Variants in ACSM4 observed in about 807,000 individuals in gnomAD.
ACSM4 encodes acyl-CoA synthetase medium chain family member 4, also known as acyl-coenzyme A synthetase ACSM4, mitochondrial.
In ACSM4, 66 loss-of-function variants were observed where a neutral mutation model predicts 73.0. The observed-to-expected ratio is 0.90, with a 90% CI of 0.74 to 1.11. ACSM4 has a LOEUF of 1.11. ACSM4 is among the 50% of genes least tolerant of loss of function. ACSM4 has a pLI of 0.00. For missense variants in ACSM4, 645 were observed against 714.4 expected, an observed-to-expected ratio of 0.90 and a Z score of 1.11; for synonymous variants, 222 against 254.0, an observed-to-expected ratio of 0.87 and a Z score of 1.20.
At chr12:7,315,236 A>G (rs1162956054) in intron 3 of ACSM4, among the ~76,000 whole-genome samples, 5 of 152,022 alleles carry the variant, frequency 3.3e-5, no homozygotes, top group Admixed American at 2.0e-4. Context: ...TACCATTTCA[A>G]TGACAATGTC....
chr12:7,324,880 G>C (rs1226659232), intron 11 of ACSM4, among the ~76,000 whole-genome samples: 1 of 151,082 alleles, frequency 6.6e-6, no homozygotes, highest in Non-Finnish European at 1.5e-5. Flanking sequence ...AAGTACTTAA[G>C]TACAGCCACA....
intron 6 of ACSM4, 110 bp from the exon 7 acceptor site, chr12:7,322,308 A>G (rs1946469508): frequency 2.0e-6 from 3 of 1,485,720 alleles, no homozygotes; most frequent in African/African-American, 2.8e-5. Flanking sequence ...GAACTTTGCT[A>G]AGACTTGCCT....
rs1946478556 is a variant in ACSM4 at position 7,323,319 on chromosome 12, G to A, written c.1206+5G>A. On this transcript the variant is annotated splice_donor_5th_base_variant and intron_variant, in intron 8 of 12. Coordinates refer to ENST00000399422, the MANE Select transcript of ACSM4 (RefSeq NM_001080454.2). ...ATGCTGCCCTATGATGTCCAGGTAG[G>A]TTGAGAAAATATCTGACTGGTTCAG... 1.2e-5 allele frequency: 20 copies of A among 1,609,516 alleles called. No homozygotes were observed. Among genetic ancestry groups the A allele is most frequent in the Non-Finnish European group, 1.7e-5 (20 of 1,177,788 alleles).
At chr12:7,322,396 C>G in intron 6 of ACSM4, 22 bp from the exon 7 acceptor site, 2 of 1,612,980 alleles carry the variant, frequency 1.2e-6, no homozygotes, top group South Asian at 1.1e-5. Context: ...TTGAAAAGAC[C>G]CATGCAACTC....
At chr12:7,309,165 A>C (rs183125998) in intron 2 of ACSM4, among the ~76,000 whole-genome samples, 13 of 152,350 alleles carry the variant, frequency 8.5e-5, no homozygotes, top group Admixed American at 4.6e-4. Context: ...CTTTAAAATC[A>C]GACATCTCCA....
At position 7,310,650 on chromosome 12, in the gene ACSM4, T is replaced by C. The variant is rs1436222747; in HGVS notation, c.524T>C (p.Val175Ala). Reference protein sequence around the residue: ...IVASEEVAPAVESIVLECPDL... With the variant: ...IVASEEVAPAAESIVLECPDL... ...GCCAGTGAGGAGGTGGCCCCAGCGG[T>C]GGAGTCCATTGTATTGGAGTGTCCT... is the stretch of plus-strand genomic sequence containing the variant. The change falls in exon 3 of 13, where the codon GTG becomes GCG. Residue 175 changes from valine (V) to alanine (A), a missense_variant. Coordinates refer to ENST00000399422, the MANE Select transcript of ACSM4 (RefSeq NM_001080454.2). 1.9e-6 allele frequency: 3 copies of C among 1,613,314 alleles called. No homozygotes were observed. The East Asian group carries it at 6.7e-5, about 36-fold the overall frequency.
intron 2 of ACSM4, among the ~76,000 whole-genome samples, chr12:7,309,127 T>C (rs1423959565): frequency 6.6e-6 from 1 of 152,224 alleles, no homozygotes; most frequent in Admixed American, 6.5e-5. Context: ...AATTCGGCCA[T>C]GTATGTTCTT....
chr12:7,320,542 T>C (rs775947146), intron 5 of ACSM4, among the ~76,000 whole-genome samples, 183 bp from the exon 6 acceptor site: 7 of 152,340 alleles, frequency 4.6e-5, no homozygotes, highest in African/African-American at 1.7e-4. Context: ...TTTTCAGTAA[T>C]TGGAAATTCC....
At chr12:7,305,408 T>G (rs1946356568) in intron 1 of ACSM4, among the ~76,000 whole-genome samples, 1 of 152,152 alleles carries the variant, frequency 6.6e-6, no homozygotes, top group Admixed American at 6.5e-5. Flanking sequence ...TGTAGCGAAG[T>G]ATACAAAATA....
intron 1 of ACSM4, among the ~76,000 whole-genome samples, chr12:7,305,539 C>A (rs964730221): frequency 6.6e-6 from 1 of 152,160 alleles, no homozygotes; most frequent in Non-Finnish European, 1.5e-5. Flanking sequence ...GGGAGGTTTG[C>A]AGATGAGGAA....
chr12:7,324,094 C>G (rs1265153562), intron 9 of ACSM4, among the ~76,000 whole-genome samples, 179 bp from the exon 10 acceptor site: 2 of 151,774 alleles, frequency 1.3e-5, no homozygotes, highest in Non-Finnish European at 2.9e-5. Context: ...GAGAGGATCA[C>G]TAGAGCCCAG....
intron 3 of ACSM4, among the ~76,000 whole-genome samples, chr12:7,316,751 A>G (rs924085373): frequency 6.6e-6 from 1 of 152,266 alleles, no homozygotes; most frequent in Admixed American, 6.5e-5. Context: ...AAAACTCCTG[A>G]AACATTAATA....
At chr12:7,327,218 T>C in intron 12 of ACSM4, 123 bp downstream of exon 12, 1 of 1,215,980 alleles carries the variant, frequency 8.2e-7, no homozygotes, top group Non-Finnish European at 1.1e-6. Flanking sequence ...ACTTTTCAAT[T>C]TGTTTAACCC....
chr12:7,308,848 C>T (rs1035414179), intron 2 of ACSM4, among the ~76,000 whole-genome samples: 6 of 152,324 alleles, frequency 3.9e-5, no homozygotes, highest in African/African-American at 9.6e-5. Flanking sequence ...CTTCAGGGAA[C>T]TCACCAAGAA....
chr12:7,304,947 TA>T (rs1946353879), intron 1 of ACSM4, among the ~76,000 whole-genome samples: 1 of 152,176 alleles, frequency 6.6e-6, no homozygotes. Context: ...AAGCGGCCCT[TA>T]TGCAATGTTT....
chr12:7,317,746 C>T (rs73059703), intron 4 of ACSM4, among the ~76,000 whole-genome samples: 24,942 of 152,158 alleles, frequency 0.16, 2,586 homozygotes, highest in Admixed American at 0.28. Flanking sequence ...TGTAGAACAA[C>T]GCCTAGCACA....
intron 7 of ACSM4, 22 bp from the exon 8 acceptor site, chr12:7,323,212 A>G (rs1946477652): frequency 1.3e-6 from 2 of 1,585,572 alleles, no homozygotes; most frequent in Non-Finnish European, 1.7e-6. Flanking sequence ...GTATACTTAT[A>G]CAAAGCTTGT....
chr12:7,324,590 C>T lies in ACSM4; in HGVS notation c.1528C>T (p.Arg510Cys), dbSNP rs199564292. The change falls in exon 11 of 13, where the codon CGC (arginine) becomes TGC (cysteine). Residue 510 changes from arginine (R) to cysteine (C), a missense_variant. Coordinates refer to ENST00000399422, the MANE Select transcript of ACSM4 (RefSeq NM_001080454.2). Reference sequence around the variant, plus strand: ...TGTTGTCAGTAGTCCAGATCAAATCCGCGGAGAGGTAGATGAATGTCATTT... The same window carrying T: ...TGTTGTCAGTAGTCCAGATCAAATCTGCGGAGAGGTAGATGAATGTCATTT... ...SAVVSSPDQI[R>C]GEVVKAFVVL... 1.1e-4 allele frequency: 177 copies of T among 1,613,760 alleles called. No homozygotes were observed. The highest frequency in any genetic ancestry group is 6.3e-4 in the South Asian group (57 of 91,074).
At chr12:7,327,769 T>C (rs1946519902) in intron 12 of ACSM4, among the ~76,000 whole-genome samples, 2 of 152,200 alleles carry the variant, frequency 1.3e-5, no homozygotes, top group African/African-American at 2.4e-5. Flanking sequence ...TCAGTGACTG[T>C]TGACTTTCAG....
Sources: allele counts gnomAD v4.1 joint callset (sites outside exome capture counted in the v4.1 genomes callset), GRCh38; gene constraint gnomAD v4.1.1; transcripts MANE v1.5; gene names NCBI Gene and HGNC (gene_info 2026-07-23, HGNC 2026-07-21).